PDIA3: variants seen among roughly 807,000 people sequenced by gnomAD.
The protein encoded by PDIA3 is protein disulfide-isomerase A3.
PDIA3 carries 16 observed loss-of-function variants against 56.9 expected under a neutral mutation model. The ratio of observed to expected loss-of-function variants is 0.28; its 90% confidence interval spans 0.19 to 0.43. The LOEUF (loss-of-function observed/expected upper bound fraction) is 0.43, where lower values mean the gene tolerates loss of function less well. Ranked by LOEUF, PDIA3 falls within the 20% of genes least tolerant of loss-of-function variation. The probability of loss-of-function intolerance (pLI) is 1.00; values close to 1 mark genes in which losing one functional copy is unlikely to be tolerated. For missense variants in PDIA3, 485 were observed against 621.3 expected (o/e 0.78, Z 2.33); for synonymous variants, 192 against 216.5 (o/e 0.89, Z 0.99).
chr15:43,768,699 T>C (rs1211374746), intron 9 of PDIA3, 102 bp downstream of exon 9: 2 of 684,184 alleles, frequency 2.9e-6, no homozygotes, highest in Non-Finnish European at 2.5e-6. Flanking sequence ...GGCCATCTCT[T>C]TTTTTTTTTG....
Position 43,761,462 on chromosome 15 carries a change from G to A in PDIA3, c.403G>A (p.Ala135Thr). 1.2e-6 allele frequency: 2 copies of A among 1,608,188 alleles called. No individual in the cohort carries two copies. The highest frequency in any genetic ancestry group is 3.3e-5 in the Admixed American group (2 of 59,760). Residue 135 changes from alanine (A) to threonine (T), a missense_variant, in exon 4 of 13, where the codon GCT becomes ACT. Transcript: ENST00000300289. ...CCACTTGAAGAAGCAGGCAGGACCA[G>A]CTTCAGTGCCTCTCAGGACTGAGGA... ...VSHLKKQAGP[A>T]SVPLRTEEEF... is the part of the protein sequence containing the mutation.
intron 1 of PDIA3, among the ~76,000 whole-genome samples, chr15:43,751,223 A>ATTTTTTTTTTCCT: frequency 6.7e-6 from 1 of 148,244 alleles, no homozygotes; most frequent in Admixed American, 6.8e-5. Context: ...TTTAGCTCAT[A>ATTTTTTTTTTCCT]TTTTTTTTTT....
At chr15:43,766,092 C>A in intron 7 of PDIA3, 80 bp downstream of exon 7, 4 of 1,129,208 alleles carry the variant, frequency 3.5e-6, no homozygotes, top group Non-Finnish European at 4.9e-6. Context: ...TTGTTGGTTC[C>A]TTAAGAATCT....
chr15:43,768,963 G>C (rs953460713), intron 9 of PDIA3, among the ~76,000 whole-genome samples: 1 of 151,820 alleles, frequency 6.6e-6, no homozygotes, highest in Admixed American at 6.6e-5. Flanking sequence ...AGCAGAGGTT[G>C]CAGTGAGTCA....
intron 10 of PDIA3, among the ~76,000 whole-genome samples, chr15:43,770,025 A>T (rs529573445): frequency 3.0e-4 from 45 of 152,282 alleles, no homozygotes; most frequent in African/African-American, 1.1e-3. Flanking sequence ...AATACAAGAG[A>T]AAAAAGGGAA....
chr15:43,746,645 G>C lies in PDIA3; in HGVS notation c.106G>C (p.Glu36Gln), dbSNP rs751249860. ...GCTAGAACTCACGGACGACAACTTC[G>C]AGAGTCGCATCTCCGACACGGGCTC... is the stretch of plus-strand genomic sequence containing the variant. ...DVLELTDDNF[E>Q]SRISDTGSAG... The change falls in exon 1 of 13, where the codon GAG becomes CAG. Residue 36 changes from glutamate (E) to glutamine (Q), a missense_variant. Coordinates refer to ENST00000300289, the MANE Select transcript of PDIA3 (RefSeq NM_005313.5). The C allele has an allele frequency of 1.2e-6, 2 of 1,612,964 alleles. No individual in the cohort carries two copies. Among genetic ancestry groups the C allele is most frequent in the Non-Finnish European group, 1.7e-6 (2 of 1,179,900 alleles).
chr15:43,746,764 C>G, intron 1 of PDIA3, 58 bp downstream of exon 1: 1 of 1,579,374 alleles, frequency 6.3e-7, no homozygotes, highest in South Asian at 1.1e-5. Context: ...GGGGCGAGAG[C>G]GCGGGGAACT....
intron 12 of PDIA3, 119 bp from the exon 13 acceptor site, chr15:43,770,986 A>C (rs577702948): frequency 1.5e-6 from 1 of 667,370 alleles, no homozygotes; most frequent in East Asian, 2.7e-5. Flanking sequence ...TTAAACTCTC[A>C]TGGGCAGTAT....
Position 43,746,765 on chromosome 15 carries a change from G to T in PDIA3, c.167+59G>T, listed in dbSNP as rs1177428294. 5 of 1,578,632 alleles carry T rather than the reference G, an allele frequency of 3.2e-6. No homozygotes were observed. In the East Asian group the frequency reaches 6.7e-5, roughly 21 times the overall value. On this transcript the variant is annotated intron_variant, in intron 1 of 12. Transcript: ENST00000300289. ...GCGGGGCTGGGCCGGGGGCGAGAGC[G>T]CGGGGAACTGTTGGGCCTACGCAGC...
chr15:43,748,799 C>T (rs1353174161), intron 1 of PDIA3, among the ~76,000 whole-genome samples: 2 of 147,662 alleles, frequency 1.4e-5, no homozygotes, highest in African/African-American at 2.5e-5. Context: ...GATGGAGTCT[C>T]GCTTTGTTGC....
At chr15:43,748,478 CA>C (rs901101702) in intron 1 of PDIA3, among the ~76,000 whole-genome samples, 269 of 143,144 alleles carry the variant, frequency 1.9e-3, no homozygotes, top group Non-Finnish European at 3.4e-3. Flanking sequence ...AACTCTGTCT[CA>C]AAAAAAAAAA....
chr15:43,749,586 G>A (rs575277653), intron 1 of PDIA3, among the ~76,000 whole-genome samples: 34 of 152,256 alleles, frequency 2.2e-4, no homozygotes, highest in African/African-American at 7.7e-4. Context: ...TTGAGATCAG[G>A]AGTTCAGACC....
intron 1 of PDIA3, among the ~76,000 whole-genome samples, chr15:43,750,130 G>A (rs1264079576): frequency 2.0e-5 from 3 of 146,624 alleles, no homozygotes; most frequent in East Asian, 2.1e-4. Context: ...GTGCAGTGGC[G>A]CGATCCCGGC....
At chr15:43,767,640 C>T (rs1304364468) in intron 8 of PDIA3, among the ~76,000 whole-genome samples, 5 of 151,454 alleles carry the variant, frequency 3.3e-5, no homozygotes, top group East Asian at 1.9e-4. Flanking sequence ...TGTGACGGTG[C>T]GCACCTGTAA....
At chr15:43,760,640 TGCCTCA>T (rs1308636082) in intron 3 of PDIA3, among the ~76,000 whole-genome samples, 1 of 150,928 alleles carries the variant, frequency 6.6e-6, no homozygotes, top group African/African-American at 2.4e-5. Flanking sequence ...ACCATTCTCC[TGCCTCA>T]GCCTCCCGAG....
chr15:43,755,054 G>A (rs1333509131), intron 2 of PDIA3, among the ~76,000 whole-genome samples: 1 of 152,090 alleles, frequency 6.6e-6, no homozygotes, highest in Non-Finnish European at 1.5e-5. Flanking sequence ...GGCTGGGCAC[G>A]GTGGCTCACG....
At position 43,763,152 on chromosome 15, in the gene PDIA3, G is replaced by T; in HGVS notation, c.548G>T (p.Arg183Leu). The change falls in exon 5 of 13, where the codon CGA becomes CTA. Residue 183 changes from arginine to leucine, a missense_variant. By Grantham distance (102) the Arg-to-Leu change is moderately radical. Coordinates refer to ENST00000300289, the MANE Select transcript of PDIA3 (RefSeq NM_005313.5). ...KAASNLRDNY[R>L]FAHTNVESLV... is the part of the protein sequence containing the mutation. ...GCCAGCAACTTGAGGGATAACTACC[G>T]ATTTGCACATACGAATGTTGAGTCT... The T allele has an allele frequency of 6.2e-7, 1 of 1,614,100 alleles. No individual in the cohort carries two copies. Among genetic ancestry groups the T allele is most frequent in the African/African-American group, 1.3e-5 (1 of 75,042 alleles).
chr15:43,753,274 C>A (rs1175524991), intron 1 of PDIA3, among the ~76,000 whole-genome samples: 1 of 152,146 alleles, frequency 6.6e-6, no homozygotes, highest in Non-Finnish European at 1.5e-5. Context: ...GACGGGGTTT[C>A]ACTATTTTGG....
chr15:43,770,855 G>T (rs553192425), intron 12 of PDIA3, among the ~76,000 whole-genome samples: 3 of 152,268 alleles, frequency 2.0e-5, no homozygotes, highest in East Asian at 3.9e-4. Flanking sequence ...CTCCATGTTG[G>T]TTGGGCTGGT....
Sources: gnomAD v4.1 joint callset for allele counts (sites outside exome capture counted in the v4.1 genomes callset) on GRCh38, gnomAD v4.1.1 for gene constraint, MANE v1.5 for transcripts, NCBI Gene and HGNC (gene_info 2026-07-23, HGNC 2026-07-21) for gene names.